Variants in MBD5 observed in about 807,000 individuals in gnomAD.
MBD5 encodes the protein methyl-CpG binding domain protein 5.
In MBD5, 13 loss-of-function variants were observed where a neutral mutation model predicts 117.3. The ratio of observed to expected loss-of-function variants is 0.11; its 90% CI spans 0.07 to 0.18. MBD5 has a LOEUF of 0.18. Among genes scored for constraint, MBD5 ranks in the 10% least tolerant of loss-of-function variants. MBD5 has a pLI of 1.00. For missense variants in MBD5, 1,879 were observed against 2,093.8 expected, an observed-to-expected ratio of 0.90 and a Z score of 2.00; for synonymous variants, 727 against 766.4, an observed-to-expected ratio of 0.95 and a Z score of 0.85.
intron 3 of MBD5, among the ~76,000 whole-genome samples, chr2:148,305,553 A>G (rs898275015): frequency 2.6e-5 from 4 of 152,142 alleles, no homozygotes; most frequent in African/African-American, 9.7e-5. Context: ...AACCCCACAC[A>G]TTTCCTGGTT....
chr2:148,148,428 A>C (rs1346543538), intron 1 of MBD5, among the ~76,000 whole-genome samples: 2 of 152,204 alleles, frequency 1.3e-5, no homozygotes, highest in Non-Finnish European at 2.9e-5. Flanking sequence ...CGCTCTTCAT[A>C]TGGAAATTCA....
chr2:148,109,275 ACT>A (rs1696450227), intron 1 of MBD5, among the ~76,000 whole-genome samples: 1 of 152,036 alleles, frequency 6.6e-6, no homozygotes, highest in South Asian at 2.1e-4. Flanking sequence ...ACAGAGTGAG[ACT>A]CTGTCTCAAA....
intron 3 of MBD5, among the ~76,000 whole-genome samples, chr2:148,325,844 G>C (rs1197465653): frequency 6.6e-6 from 1 of 151,976 alleles, no homozygotes; most frequent in Non-Finnish European, 1.5e-5. Context: ...CTTCAGTTCT[G>C]CTCTGATCTT....
intron 1 of MBD5, among the ~76,000 whole-genome samples, chr2:148,142,619 A>G (rs896582171): frequency 1.3e-5 from 2 of 152,152 alleles, no homozygotes; most frequent in Admixed American, 6.6e-5. Flanking sequence ...AGAAAGAGAA[A>G]CACATAGACA....
intron 1 of MBD5, among the ~76,000 whole-genome samples, chr2:148,141,007 A>G (rs571271900): frequency 6.6e-6 from 1 of 152,262 alleles, no homozygotes; most frequent in East Asian, 1.9e-4. Context: ...CCTGGGCTCA[A>G]GCAATCCACC....
chr2:148,469,047 A>C lies in MBD5; in HGVS notation c.1104A>C (p.Pro368=), dbSNP rs756273559. 23 of 1,613,806 alleles carry C rather than the reference A, an allele frequency of 1.4e-5. 1 individual carries two copies. Among genetic ancestry groups the C allele is most frequent in the Non-Finnish European group, 1.9e-5 (22 of 1,179,958 alleles). The change falls in exon 8 of 14, where the codon CCA becomes CCC. Residue 368 remains proline, a synonymous_variant. Coordinates refer to ENST00000642680, the MANE Select transcript of MBD5 (RefSeq NM_001378120.1). ...LGILDPIPSK[P]VNQNPVIINP... ...TTCTTGACCCTATTCCTAGTAAACCAGTGAATCAGAACCCTGTTATCATTA... is the reference window on the plus strand; with the variant it reads ...TTCTTGACCCTATTCCTAGTAAACCCGTGAATCAGAACCCTGTTATCATTA...
At chr2:148,240,265 C>T (rs571345451) in intron 3 of MBD5, among the ~76,000 whole-genome samples, 17 of 152,046 alleles carry the variant, frequency 1.1e-4, no homozygotes, top group African/African-American at 2.4e-4. Flanking sequence ...TGGGGCCTGT[C>T]GTGAGGCAGG....
At chr2:148,140,781 A>G (rs1697294468) in intron 1 of MBD5, among the ~76,000 whole-genome samples, 1 of 150,828 alleles carries the variant, frequency 6.6e-6, no homozygotes. Flanking sequence ...TTTTTTCCCG[A>G]AGATAGGGCC....
intron 1 of MBD5, among the ~76,000 whole-genome samples, chr2:148,047,121 A>G (rs929726180): frequency 2.0e-5 from 3 of 152,158 alleles, no homozygotes; most frequent in African/African-American, 7.2e-5. Flanking sequence ...TGCAAATCCC[A>G]AATCAGGTGT....
intron 2 of MBD5, among the ~76,000 whole-genome samples, 196 bp downstream of exon 2, chr2:148,178,989 G>C (rs1698452687): frequency 6.6e-6 from 1 of 152,094 alleles, no homozygotes; most frequent in South Asian, 2.1e-4. Context: ...GATTTCATTT[G>C]TAATAAGCGG....
Position 148,120,455 on chromosome 2 carries a change from T to C in MBD5, c.-924-58245T>C, listed in dbSNP as rs199829149. 2.4e-4 allele frequency among the ~76,000 whole-genome samples: 36 copies of C among 152,366 alleles called. 1 individual carries two copies. The East Asian group carries it at 6.2e-3, about 26-fold the overall frequency. ...CATGTCTTTTCATTTATTTAGGTTTTCTTTAATGTCATAAAGAAATGCTTT... is the reference window on the plus strand; with the variant it reads ...CATGTCTTTTCATTTATTTAGGTTTCCTTTAATGTCATAAAGAAATGCTTT... On this transcript the variant is annotated intron_variant, in intron 1 of 13. Transcript: ENST00000642680.
At chr2:148,418,678 A>G (rs895815991) in intron 4 of MBD5, among the ~76,000 whole-genome samples, 2 of 152,206 alleles carry the variant, frequency 1.3e-5, no homozygotes, top group African/African-American at 4.8e-5. Context: ...CAAGAAGGTG[A>G]AAGATGTCTA....
At chr2:148,272,379 A>G (rs1391459768) in intron 3 of MBD5, among the ~76,000 whole-genome samples, 1 of 152,212 alleles carries the variant, frequency 6.6e-6, no homozygotes, top group Non-Finnish European at 1.5e-5. Flanking sequence ...TAATGACTAT[A>G]CTAATTAACA....
At chr2:148,256,470 G>T (rs577567641) in intron 3 of MBD5, among the ~76,000 whole-genome samples, 21 of 152,202 alleles carry the variant, frequency 1.4e-4, no homozygotes, top group Admixed American at 1.2e-3. Flanking sequence ...ACCCCAAATG[G>T]GTTGGTGGCC....
At chr2:148,252,191 G>C (rs191518048) in intron 3 of MBD5, among the ~76,000 whole-genome samples, 1 of 152,100 alleles carries the variant, frequency 6.6e-6, no homozygotes, top group South Asian at 2.1e-4. Context: ...GTCTGGTCAC[G>C]GTGACTCACG....
chr2:148,336,314 C>T (rs1165271811), intron 3 of MBD5, among the ~76,000 whole-genome samples: 1 of 152,186 alleles, frequency 6.6e-6, no homozygotes, highest in Non-Finnish European at 1.5e-5. Flanking sequence ...TTGGTCATTT[C>T]TGAATTAAAA....
At chr2:148,510,269 C>G in intron 13 of MBD5, 134 bp downstream of exon 13, 1 of 661,514 alleles carries the variant, frequency 1.5e-6, no homozygotes, top group African/African-American at 1.8e-5. Context: ...AAAAAAAAGA[C>G]AAATATTAGA....
At chr2:148,066,601 C>T (rs1695202039) in intron 1 of MBD5, among the ~76,000 whole-genome samples, 2 of 151,870 alleles carry the variant, frequency 1.3e-5, no homozygotes, top group South Asian at 4.2e-4. Flanking sequence ...TCTCAGCCTC[C>T]TGAATAGCTG....
chr2:148,382,162 G>T, intron 4 of MBD5, among the ~76,000 whole-genome samples: 1 of 109,354 alleles, frequency 9.1e-6, no homozygotes, highest in Non-Finnish European at 1.9e-5. Flanking sequence ...ACACAGACTG[G>T]CAAATTGGAT....
Sources: gnomAD v4.1 joint callset for allele counts (sites outside exome capture counted in the v4.1 genomes callset) on GRCh38, gnomAD v4.1.1 for gene constraint, MANE v1.5 for transcripts, NCBI Gene and HGNC (gene_info 2026-07-23, HGNC 2026-07-21) for gene names.